Variants in ANKIB1 observed in about 807,000 individuals in gnomAD.
ANKIB1 encodes ankyrin repeat and IBR domain-containing protein 1.
A neutral mutation model predicts 122.1 loss-of-function variants in ANKIB1; 43 were observed. The observed-to-expected ratio is 0.35, with a 90% confidence interval of 0.28 to 0.45. The LOEUF (loss-of-function observed/expected upper bound fraction) is 0.45, where lower values mean the gene tolerates loss of function less well. ANKIB1 is among the 20% of genes least tolerant of loss of function. The pLI is 1.00. For missense variants in ANKIB1, 992 were observed against 1,329.5 expected (o/e 0.75, Z 3.95); for synonymous variants, 390 against 442.0 (o/e 0.88, Z 1.48).
chr7:92,361,961 C>T (rs1339896149), intron 9 of ANKIB1, among the ~76,000 whole-genome samples: 1 of 152,150 alleles, frequency 6.6e-6, no homozygotes, highest in African/African-American at 2.4e-5. Flanking sequence ...AGGCATGTGC[C>T]ACCACGCCCG....
At chr7:92,323,621 C>G (rs1802961253) in intron 4 of ANKIB1, among the ~76,000 whole-genome samples, 1 of 152,072 alleles carries the variant, frequency 6.6e-6, no homozygotes, top group African/African-American at 2.4e-5. Flanking sequence ...CTTTCATACT[C>G]AAGTAAATAC....
At chr7:92,273,062 AT>A (rs1269070166) in intron 1 of ANKIB1, among the ~76,000 whole-genome samples, 1 of 152,236 alleles carries the variant, frequency 6.6e-6, no homozygotes, top group African/African-American at 2.4e-5. Context: ...GCCACATAAC[AT>A]TTTGGTCAAC....
intron 4 of ANKIB1, among the ~76,000 whole-genome samples, chr7:92,321,868 TAGAA>T (rs965285324): frequency 8.5e-5 from 13 of 152,188 alleles, no homozygotes; most frequent in African/African-American, 3.1e-4. Context: ...TAAGTACACA[TAGAA>T]AGACAGAAGG....
In ANKIB1 at chr7:92,276,531, T is replaced by C. The variant is rs541833363; in HGVS notation, c.-90-18358T>C. Among the ~76,000 whole-genome samples, 4 of 152,362 alleles carry C rather than the reference T, an allele frequency of 2.6e-5. No individual in the cohort carries two copies. The East Asian group carries it at 5.8e-4, about 22-fold the overall frequency. On this transcript the variant is annotated intron_variant, in intron 1 of 19. Transcript: ENST00000265742. Reference sequence around the variant, plus strand: ...AAGGATAGCCATCTCAAGCCTGATATGTTAACTCTTTTCTGCATGGTCCAC... The same window carrying C: ...AAGGATAGCCATCTCAAGCCTGATACGTTAACTCTTTTCTGCATGGTCCAC...
intron 1 of ANKIB1, among the ~76,000 whole-genome samples, chr7:92,292,298 C>T (rs1802265661): frequency 6.6e-6 from 1 of 152,146 alleles, no homozygotes; most frequent in African/African-American, 2.4e-5. Flanking sequence ...CTGAAAGCCA[C>T]AAAATGACTT....
At chr7:92,354,504 C>T (rs1204578631) in intron 9 of ANKIB1, among the ~76,000 whole-genome samples, 1 of 152,060 alleles carries the variant, frequency 6.6e-6, no homozygotes, top group Non-Finnish European at 1.5e-5. Flanking sequence ...ATTTTTTGGA[C>T]ATAGCACCAG....
At position 92,277,418 on chromosome 7, in the gene ANKIB1, T is replaced by C. The variant is rs549206334; in HGVS notation, c.-90-17471T>C. Reference sequence around the variant, plus strand: ...CTTGTGGTTTTGATTTACAGTGGCTTTATTCAGATATAACCCCATCATAAG... The same window carrying C: ...CTTGTGGTTTTGATTTACAGTGGCTCTATTCAGATATAACCCCATCATAAG... On this transcript the variant is annotated intron_variant, in intron 1 of 19. Coordinates refer to ENST00000265742, the MANE Select transcript of ANKIB1 (RefSeq NM_019004.2). Among the ~76,000 whole-genome samples, 81 of 152,324 alleles carry C rather than the reference T, an allele frequency of 5.3e-4. No homozygotes were observed. The South Asian group carries it at 0.015, about 29-fold the overall frequency.
At chr7:92,334,700 A>G (rs1585112726) in intron 5 of ANKIB1, among the ~76,000 whole-genome samples, 1 of 152,010 alleles carries the variant, frequency 6.6e-6, no homozygotes, top group African/African-American at 2.4e-5. Context: ...GAAAACGTTT[A>G]TAACAATAGT....
chr7:92,394,304 T>G (rs1804843051), intron 17 of ANKIB1, among the ~76,000 whole-genome samples: 1 of 152,208 alleles, frequency 6.6e-6, no homozygotes. Flanking sequence ...TCTGTATCCT[T>G]AACATTCTCA....
At chr7:92,291,036 GT>G (rs1374974736) in intron 1 of ANKIB1, among the ~76,000 whole-genome samples, 2 of 152,200 alleles carry the variant, frequency 1.3e-5, no homozygotes, top group Non-Finnish European at 2.9e-5. Flanking sequence ...GCTCGCACCT[GT>G]AATGTCAGCA....
intron 9 of ANKIB1, among the ~76,000 whole-genome samples, chr7:92,354,300 C>G (rs1803736261): frequency 6.6e-6 from 1 of 152,106 alleles, no homozygotes; most frequent in Non-Finnish European, 1.5e-5. Context: ...CCCAAAATAT[C>G]AGGCTGGTTA....
chr7:92,313,429 A>G (rs1039286375), intron 3 of ANKIB1, among the ~76,000 whole-genome samples: 2 of 152,174 alleles, frequency 1.3e-5, no homozygotes, highest in African/African-American at 4.8e-5. Flanking sequence ...TACAGGAATT[A>G]TATTTCCGGT....
intron 6 of ANKIB1, among the ~76,000 whole-genome samples, chr7:92,344,110 G>A (rs953780822): frequency 6.6e-6 from 1 of 151,510 alleles, no homozygotes; most frequent in Admixed American, 6.6e-5. Context: ...CTAGGTAGGC[G>A]CAAAAGTGAT....
Position 92,398,869 on chromosome 7 carries a change from A to G in ANKIB1, c.3190A>G (p.Asn1064Asp). ...QAGDSGNEAA[N>D]RGDGSDVSSQ... Reference sequence around the variant, plus strand: ...TGGTGACAGTGGTAACGAGGCAGCCAACAGAGGAGATGGTTCAGATGTTTC... The same window carrying G: ...TGGTGACAGTGGTAACGAGGCAGCCGACAGAGGAGATGGTTCAGATGTTTC... Residue 1064 changes from asparagine to aspartate, a missense_variant, in exon 20 of 20, where the codon AAC becomes GAC. Asn to Asp is a conservative substitution (Grantham distance 23). Around this residue, in one of 4 missense-constraint regions of ANKIB1, gnomAD observed 384 missense variants for 412.0 expected, o/e 0.93. Coordinates refer to ENST00000265742, the MANE Select transcript of ANKIB1 (RefSeq NM_019004.2). The G allele has an allele frequency of 6.2e-7, 1 of 1,606,064 alleles. No homozygotes were observed. The highest frequency in any genetic ancestry group is 8.5e-7 in the Non-Finnish European group (1 of 1,176,002).
chr7:92,249,376 C>A (rs933973138), intron 1 of ANKIB1, among the ~76,000 whole-genome samples: 3 of 152,184 alleles, frequency 2.0e-5, no homozygotes, highest in Non-Finnish European at 4.4e-5. Context: ...GCTTCTCTTA[C>A]AGGTTTTTAA....
At chr7:92,334,055 A>G (rs973451929) in intron 5 of ANKIB1, among the ~76,000 whole-genome samples, 4 of 152,142 alleles carry the variant, frequency 2.6e-5, no homozygotes, top group Non-Finnish European at 4.4e-5. Flanking sequence ...ACTATATGTA[A>G]GAAAATTGTT....
At position 92,326,207 on chromosome 7, in the gene ANKIB1, G is replaced by A. The variant is rs533529822; in HGVS notation, c.670-1576G>A. ...GTTACCTATTGAAGTTTAAAACTGC[G>A]TGCATTTTAAAAAACTGGATCTATG... On this transcript the variant is annotated intron_variant, in intron 4 of 19. Coordinates refer to ENST00000265742, the MANE Select transcript of ANKIB1 (RefSeq NM_019004.2). 6.8e-4 allele frequency among the ~76,000 whole-genome samples: 104 copies of A among 152,194 alleles called. No homozygotes were observed. In the Middle Eastern group the frequency reaches 0.014, roughly 20 times the overall value.
intron 1 of ANKIB1, among the ~76,000 whole-genome samples, chr7:92,266,045 A>G (rs1801666245): frequency 6.6e-6 from 1 of 152,236 alleles, no homozygotes; most frequent in African/African-American, 2.4e-5. Flanking sequence ...GAGCAAGCTC[A>G]GAGGACCTCC....
chr7:92,337,818 A>T (rs573812985), intron 5 of ANKIB1, among the ~76,000 whole-genome samples: 39 of 152,318 alleles, frequency 2.6e-4, no homozygotes, highest in African/African-American at 9.4e-4. Context: ...CTGATAAAAT[A>T]TGAGTAAATA....
Sources: gnomAD v4.1 joint callset for allele counts (sites outside exome capture counted in the v4.1 genomes callset) on GRCh38, gnomAD v4.1.1 for gene constraint, gnomAD v4.1.1 regional missense constraint, MANE v1.5 for transcripts, NCBI Gene and HGNC (gene_info 2026-07-23, HGNC 2026-07-21) for gene names.